The following NEB variants were observed in gnomAD, a reference collection of about 807,000 sequenced individuals.
The protein encoded by NEB is nemaline myopathy type 2.
Under a neutral mutation model 952.2 loss-of-function variants are expected in NEB, and 512 were observed. That is an observed-to-expected ratio of 0.54 (90% CI 0.50 to 0.58). The LOEUF (loss-of-function observed/expected upper bound fraction) is 0.58. Among genes scored for constraint, NEB ranks in the 20% least tolerant of loss-of-function variants. The probability of loss-of-function intolerance (pLI) is 0.00; values close to 1 mark genes in which losing one functional copy is unlikely to be tolerated. For missense variants in NEB, 8,428 were observed against 9,231.1 expected (o/e 0.91, Z 3.56); for synonymous variants, 2,900 against 3,149.8 (o/e 0.92, Z 2.66).
intron 20 of NEB, among the ~76,000 whole-genome samples, chr2:151,692,680 A>G (rs1028663120): frequency 6.6e-6 from 1 of 152,140 alleles, no homozygotes; most frequent in Admixed American, 6.6e-5. Flanking sequence ...TTAAAGAAAA[A>G]TGAGTTTCGC....
rs546540315 is a variant in NEB, at chr2:151,554,477, G to A, written c.19429-452C>T. On this transcript the variant is annotated intron_variant, in intron 125 of 181. Coordinates refer to ENST00000397345, the MANE Select transcript of NEB (RefSeq NM_001164508.2). Reference sequence around the variant, plus strand: ...AGCAGGCTGAGGTGGGATGATTCCCGGAGCCCAAGAGGTAGAGGCTTGCAG... The same window carrying A: ...AGCAGGCTGAGGTGGGATGATTCCCAGAGCCCAAGAGGTAGAGGCTTGCAG... 3.7e-4 allele frequency among the ~76,000 whole-genome samples: 57 copies of A among 152,214 alleles called. No individual in the cohort carries two copies. In the South Asian group the frequency reaches 0.01, roughly 27 times the overall value.
At chr2:151,671,540 A>T (rs2154191564) in intron 37 of NEB, among the ~76,000 whole-genome samples, 1 of 152,254 alleles carries the variant, frequency 6.6e-6, no homozygotes, top group South Asian at 2.1e-4. Flanking sequence ...TTTTTTTTCA[A>T]GTCACTTACT....
chr2:151,571,328 G>T (rs1008320345), intron 107 of NEB, among the ~76,000 whole-genome samples: 2 of 152,204 alleles, frequency 1.3e-5, no homozygotes, highest in Admixed American at 1.3e-4. Flanking sequence ...AAATTTGAAT[G>T]ATAGCCTTGA....
chr2:151,689,731 C>T (rs1189057340), intron 24 of NEB: 1 of 152,176 alleles, frequency 6.6e-6, no homozygotes, highest in Non-Finnish European at 1.5e-5. Flanking sequence ...TGACCACATA[C>T]AGCACTGTAT....
At chr2:151,506,733 A>C (rs971573799) in intron 163 of NEB, among the ~76,000 whole-genome samples, 176 bp downstream of exon 163, 5 of 152,118 alleles carry the variant, frequency 3.3e-5, no homozygotes, top group African/African-American at 1.2e-4. Context: ...AGTTATTTCA[A>C]ATGGTCTCTG....
In NEB at chr2:151,520,044, A is replaced by C. The variant is rs541183630; in HGVS notation, c.22480-276T>G. The stretch of plus-strand genomic sequence containing the variant: ...CACCTCTTTCTAATGCAAAACAAAA[A>C]AAAAAAAAAATGGAAAAGGCTTCAG... On this transcript the variant is annotated intron_variant, in intron 153 of 181. Transcript: ENST00000397345. 3.3e-4 allele frequency: 76 copies of C among 228,402 alleles called. 1 individual carries two copies. The South Asian group carries it at 3.4e-3, about 10-fold the overall frequency. 14.1% of individuals were successfully genotyped at this position (228,402 alleles called of 1,614,324 possible).
rs1553836754 is a variant in NEB at position 151,579,554 on chromosome 2, C to A, written c.16488G>T (p.Val5496=). The A allele has an allele frequency of 7.3e-7, 1 of 1,368,560 alleles. No individual in the cohort carries two copies. Among genetic ancestry groups the A allele is most frequent in the Non-Finnish European group, 9.9e-7 (1 of 1,012,436 alleles). 84.8% of individuals were successfully genotyped at this position (1,368,560 alleles called of 1,614,324 possible). A position where few individuals can be genotyped will look rare whatever the true frequency, so the allele number is the denominator to read the frequency against. ...ACAGCCTGTCATTCTGCATCTTCAA[C>A]ACATTTGCTGCCCAAACCAGTTTAG... ...EDPKLVWAAN[V]LKMQNDRLYK... is the part of the protein sequence containing the mutation. Residue 5496 remains valine (V), a synonymous_variant, in exon 105 of 182, where the codon GTG becomes GTT. Transcript: ENST00000397345.
chr2:151,537,032 A>G (rs1204490043), intron 141 of NEB, 100 bp downstream of exon 141: 4 of 680,688 alleles, frequency 5.9e-6, no homozygotes, highest in Non-Finnish European at 9.9e-6. Context: ...AGAAGCCATG[A>G]TAGGGATGGA....
In NEB at chr2:151,544,062, A is replaced by G. The variant is rs2094424243; in HGVS notation, c.20577+1826T>C. ...AAACAGATTCGTAGGCTGTCTCCCAACCCTTCTAAATTCAGGGGAGTGGCT... is the reference window on the plus strand; with the variant it reads ...AAACAGATTCGTAGGCTGTCTCCCAGCCCTTCTAAATTCAGGGGAGTGGCT... On this transcript the variant is annotated intron_variant, in intron 135 of 181. Coordinates refer to ENST00000397345, the MANE Select transcript of NEB (RefSeq NM_001164508.2). 2.6e-5 allele frequency among the ~76,000 whole-genome samples: 4 copies of G among 152,264 alleles called. 1 individual carries two copies. In the South Asian group the frequency reaches 8.3e-4, roughly 32 times the overall value.
At chr2:151,542,793 T>C (rs535323610) in intron 135 of NEB, among the ~76,000 whole-genome samples, 1 of 152,358 alleles carries the variant, frequency 6.6e-6, no homozygotes, top group South Asian at 2.1e-4. Flanking sequence ...AATGCTCAAA[T>C]CTATTCTTCA....
chr2:151,596,283 G>A (rs1553861583), intron 91 of NEB, 116 bp from the exon 92 acceptor site: 3 of 14 alleles, frequency 0.21, no homozygotes, highest in South Asian at 0.5. Context: ...TAAGAAAAAA[G>A]CATTCATTTC....
intron 70 of NEB, 67 bp downstream of exon 70, chr2:151,626,935 T>C (rs115625493): frequency 6.4e-7 from 1 of 1,554,826 alleles, no homozygotes; most frequent in African/African-American, 1.4e-5. Flanking sequence ...GAGACTAACT[T>C]AATTAACAAT....
chr2:151,706,683 C>T (rs1169539487), intron 13 of NEB, among the ~76,000 whole-genome samples, 198 bp downstream of exon 13: 1 of 152,184 alleles, frequency 6.6e-6, no homozygotes, highest in East Asian at 1.9e-4. Flanking sequence ...TGAATTAACC[C>T]CACAGAACCA....
At chr2:151,506,663 A>G (rs957576161) in intron 163 of NEB, among the ~76,000 whole-genome samples, 6 of 152,198 alleles carry the variant, frequency 3.9e-5, no homozygotes, top group Non-Finnish European at 8.8e-5. Context: ...AAGACAACAC[A>G]TGTTACTGCC....
At position 151,713,935 on chromosome 2, in the gene NEB, T is replaced by C. The variant is rs570245458; in HGVS notation, c.823-3397A>G. Reference sequence around the variant, plus strand: ...AATCATTACCATCTGAACTGGGAGCTGTAAGAAAAGGGTGTGAGGATGAAC... The same window carrying C: ...AATCATTACCATCTGAACTGGGAGCCGTAAGAAAAGGGTGTGAGGATGAAC... On this transcript the variant is annotated intron_variant, in intron 10 of 181. Transcript: ENST00000397345. Among the ~76,000 whole-genome samples, 7 of 152,198 alleles carry C rather than the reference T, an allele frequency of 4.6e-5. No individual in the cohort carries two copies. In the South Asian group the frequency reaches 1.5e-3, roughly 32 times the overall value.
intron 84 of NEB, among the ~76,000 whole-genome samples, 175 bp downstream of exon 84, chr2:151,606,431 T>G (rs2097706101): frequency 1.0e-5 from 1 of 96,722 alleles, no homozygotes; most frequent in African/African-American, 2.7e-5. Context: ...ACCTCATCTA[T>G]GCTAACTTTA....
Position 151,677,720 on chromosome 2 carries a change from G to C in NEB, c.3619C>G (p.Pro1207Ala), listed in dbSNP as rs1181392159. The change falls in exon 34 of 182, where the codon CCT becomes GCT. Residue 1207 changes from proline (P) to alanine (A), a missense_variant. Around this residue, in one of 11 missense-constraint regions of NEB, gnomAD observed 2,851 missense variants for 2,791.5 expected, o/e 1.02. Coordinates refer to ENST00000397345, the MANE Select transcript of NEB (RefSeq NM_001164508.2). ...TTTTCGACGTCGAGACTGCCAATAG[G>C]AATCCAGCCAATGCCTTTCATCCAG... ...NNWMKGIGWI[P>A]IGSLDVEKVK... 6.2e-7 allele frequency: 1 copy of C among 1,613,824 alleles called. No homozygotes were observed. Among genetic ancestry groups the C allele is most frequent in the Non-Finnish European group, 8.5e-7 (1 of 1,179,892 alleles).
chr2:151,513,063 G>A (rs756500097), intron 160 of NEB, among the ~76,000 whole-genome samples: 9 of 152,202 alleles, frequency 5.9e-5, no homozygotes, highest in Non-Finnish European at 8.8e-5. Context: ...TTGGATGCAG[G>A]ATGGGATATG....
rs376091169 is a variant in NEB at position 151,640,239 on chromosome 2, CA to C, written c.8685+115del. Reference sequence around the variant, plus strand: ...GGATTAAAATTCCTGTCGATAAAGGCAATGCTATTTGCCTCCTCCAGGGGCT... The same window carrying C: ...GGATTAAAATTCCTGTCGATAAAGGCATGCTATTTGCCTCCTCCAGGGGCT... On this transcript the variant is annotated intron_variant, in intron 61 of 181. Coordinates refer to ENST00000397345, the MANE Select transcript of NEB (RefSeq NM_001164508.2). 759 of 1,502,472 alleles carry C rather than the reference CA, an allele frequency of 5.1e-4. 6 individuals are homozygous for C. In the African/African-American group the frequency reaches 9.0e-3, roughly 18 times the overall value. 93.1% of individuals were successfully genotyped at this position (1,502,472 alleles called of 1,614,324 possible).
Sources: gnomAD v4.1 joint callset for allele counts (sites outside exome capture counted in the v4.1 genomes callset) on GRCh38, gnomAD v4.1.1 for gene constraint, gnomAD v4.1.1 regional missense constraint, MANE v1.5 for transcripts, NCBI Gene and HGNC (gene_info 2026-07-23, HGNC 2026-07-21) for gene names.